ENPP2: variants seen among roughly 807,000 people sequenced by gnomAD.
ENPP2 encodes the protein autotaxin.
ENPP2 carries 51 observed loss-of-function variants against 120.2 expected under a neutral mutation model. That is an observed-to-expected ratio of 0.42 (90% CI 0.34 to 0.54). ENPP2 has a LOEUF of 0.54. ENPP2 is among the 20% of genes least tolerant of loss of function. The probability of loss-of-function intolerance (pLI) is 0.04; values close to 1 mark genes in which losing one functional copy is unlikely to be tolerated. For missense variants in ENPP2, 920 were observed against 1,066.5 expected (o/e 0.86, Z 1.91); for synonymous variants, 365 against 366.4 (o/e 1.00, Z 0.04).
intron 3 of ENPP2, among the ~76,000 whole-genome samples, chr8:119,622,666 G>C (rs1815987130): frequency 6.6e-6 from 1 of 152,140 alleles, no homozygotes; most frequent in South Asian, 2.1e-4. Context: ...GCACATGCTA[G>C]GTGTTCAATC....
chr8:119,563,649 AC>A (rs1814155252), intron 23 of ENPP2, among the ~76,000 whole-genome samples: 1 of 152,174 alleles, frequency 6.6e-6, no homozygotes. Flanking sequence ...AGAGATCAGT[AC>A]AGAAATTCAT....
intron 2 of ENPP2, among the ~76,000 whole-genome samples, chr8:119,632,140 TG>T (rs1452362989): frequency 1.1e-4 from 17 of 152,218 alleles, no homozygotes; most frequent in African/African-American, 3.9e-4. Context: ...TAAAATCTGT[TG>T]TCTTCCTTTA....
At chr8:119,643,383 G>A (rs913437834), upstream of ENPP2, among the ~76,000 whole-genome samples, 4 of 152,166 alleles carry the variant, frequency 2.6e-5, no homozygotes, top group Non-Finnish European at 4.4e-5. Flanking sequence ...AGTTTTATGG[G>A]TAGTCTATGG....
chr8:119,560,118 G>A (rs1435369203), intron 24 of ENPP2, among the ~76,000 whole-genome samples: 1 of 152,104 alleles, frequency 6.6e-6, no homozygotes, highest in Admixed American at 6.5e-5. Flanking sequence ...TCTAATGACC[G>A]AACTTGAACA....
chr8:119,582,498 T>G lies in ENPP2; in HGVS notation c.1648A>C (p.Arg550=). 6.2e-7 allele frequency: 1 copy of G among 1,614,112 alleles called. No individual in the cohort carries two copies. The highest frequency in any genetic ancestry group is 8.5e-7 in the Non-Finnish European group (1 of 1,179,938). The part of the protein sequence containing the change: ...FRPTMPEEVT[R]PNYPGIMYLQ... ...TACATAATCCCTGGATAATTGGGTC[T>G]GGTAACTTCCTCTGGCATGGTTGGC... The change falls in exon 18 of 25, where the codon AGA becomes CGA. Residue 550 remains arginine, a synonymous_variant. Transcript: ENST00000075322.
intron 3 of ENPP2, among the ~76,000 whole-genome samples, chr8:119,623,368 G>T (rs1171928281): frequency 6.6e-6 from 1 of 152,042 alleles, no homozygotes; most frequent in African/African-American, 2.4e-5. Flanking sequence ...AGGAGGCTGA[G>T]GCAGGAGAAT....
chr8:119,629,761 C>A (rs1816529021), intron 2 of ENPP2, among the ~76,000 whole-genome samples: 1 of 151,686 alleles, frequency 6.6e-6, no homozygotes. Flanking sequence ...CCATAAGAAA[C>A]CATGGAGGCA....
intron 2 of ENPP2, among the ~76,000 whole-genome samples, chr8:119,636,563 C>T (rs771087032): frequency 6.6e-6 from 1 of 152,148 alleles, no homozygotes; most frequent in Non-Finnish European, 1.5e-5. Context: ...TCGTGTAGCC[C>T]ACTTAAGACC....
chr8:119,557,630 C>A lies in ENPP2; in HGVS notation c.2483G>T (p.Arg828Leu), dbSNP rs759316715. Residue 828 changes from arginine (R) to leucine (L), a missense_variant, in exon 25 of 25, where the codon CGT (arginine) becomes CTT (leucine). Arg to Leu is a moderately radical substitution (Grantham distance 102). Transcript: ENST00000075322. ...CAGGCTGGTGAGATGTTCAATGTCA[C>A]GCACCCTAGCTGTGTGCATCTTCAT... Reference protein sequence around the residue: ...ELMKMHTARVRDIEHLTSLDF... With the variant: ...ELMKMHTARVLDIEHLTSLDF... 9 of 1,609,846 alleles carry A rather than the reference C, an allele frequency of 5.6e-6. No individual in the cohort carries two copies. Among genetic ancestry groups the A allele is most frequent in the African/African-American group, 5.3e-5 (4 of 74,828 alleles).
At chr8:119,558,232 A>G (rs16892739) in intron 24 of ENPP2, among the ~76,000 whole-genome samples, 4,822 of 152,204 alleles carry the variant, frequency 0.032, 262 homozygotes, top group African/African-American at 0.11. Context: ...TCAACTCGAA[A>G]CCACTCAGTT....
intron 1 of ENPP2, among the ~76,000 whole-genome samples, chr8:119,664,814 G>A (rs1382002927): frequency 2.6e-5 from 4 of 152,140 alleles, no homozygotes; most frequent in African/African-American, 7.2e-5. Context: ...GGTGGAACAC[G>A]CCTGTAGTCC....
chr8:119,605,025 G>A (rs1249096012), intron 9 of ENPP2, among the ~76,000 whole-genome samples: 1 of 151,904 alleles, frequency 6.6e-6, no homozygotes, highest in Admixed American at 6.6e-5. Context: ...CACCCACCTT[G>A]GCCTCCCAAA....
chr8:119,613,630 C>A (rs924383993), intron 8 of ENPP2, among the ~76,000 whole-genome samples: 1 of 152,136 alleles, frequency 6.6e-6, no homozygotes, highest in Admixed American at 6.5e-5. Context: ...AACGAAGCCT[C>A]TGAGAGGATG....
At chr8:119,570,863 C>T in intron 19 of ENPP2, 22 bp from the exon 20 acceptor site, 1 of 1,513,134 alleles carries the variant, frequency 6.6e-7, no homozygotes, top group African/African-American at 1.4e-5. Context: ...AAAAAATAAA[C>T]TGTGTTAGGT....
intron 1 of ENPP2, among the ~76,000 whole-genome samples, chr8:119,646,960 A>G (rs1195596369): frequency 6.6e-6 from 1 of 151,444 alleles, no homozygotes; most frequent in African/African-American, 2.4e-5. Context: ...ACACAGAACA[A>G]CAATGAACTG....
intron 1 of ENPP2, among the ~76,000 whole-genome samples, chr8:119,658,045 T>C (rs1168693703): frequency 2.0e-5 from 3 of 152,230 alleles, no homozygotes; most frequent in African/African-American, 7.2e-5. Context: ...TACAGTTACA[T>C]ATAGATGCTT....
At chr8:119,638,602 A>C (rs1817151358) in intron 1 of ENPP2, 75 bp from the exon 2 acceptor site, 1 of 1,037,650 alleles carries the variant, frequency 9.6e-7, no homozygotes, top group African/African-American at 1.6e-5. Flanking sequence ...GGTGATTCAA[A>C]TGGCTTCAAT....
intron 1 of ENPP2, among the ~76,000 whole-genome samples, chr8:119,646,789 T>G (rs1385433339): frequency 6.6e-6 from 1 of 152,198 alleles, no homozygotes; most frequent in African/African-American, 2.4e-5. Flanking sequence ...GTTCCTTGAT[T>G]AAGTTGTGCT....
intron 13 of ENPP2, among the ~76,000 whole-genome samples, chr8:119,589,652 G>A (rs1287666700): frequency 6.6e-6 from 1 of 152,126 alleles, no homozygotes; most frequent in African/African-American, 2.4e-5. Context: ...TCACAACATG[G>A]TCTGGAGCTG....
Sources: allele counts gnomAD v4.1 joint callset (sites outside exome capture counted in the v4.1 genomes callset), GRCh38; gene constraint gnomAD v4.1.1; transcripts MANE v1.5; gene names NCBI Gene and HGNC (gene_info 2026-07-23, HGNC 2026-07-21).